The following FKBP14 variants were observed in gnomAD, a reference collection of about 807,000 sequenced individuals.
The protein encoded by FKBP14 is FKBP prolyl isomerase 14.
In FKBP14, 20 loss-of-function variants were observed where a neutral mutation model predicts 21.6. The observed-to-expected ratio is 0.92, with a 90% CI of 0.65 to 1.34. The LOEUF is 1.34. Ranked by LOEUF, FKBP14 falls within the 40% of genes most tolerant of loss-of-function variation. The probability of loss-of-function intolerance (pLI) is 0.00; values close to 1 mark genes in which losing one functional copy is unlikely to be tolerated. For synonymous variants in FKBP14, 79 were observed against 86.7 expected, an observed-to-expected ratio of 0.91 and a Z score of 0.49; for missense variants, 253 against 249.0, an observed-to-expected ratio of 1.02 and a Z score of -0.11.
At chr7:30,015,993 T>C (rs1789875348) in intron 3 of FKBP14, among the ~76,000 whole-genome samples, 1 of 152,134 alleles carries the variant, frequency 6.6e-6, no homozygotes, top group South Asian at 2.1e-4. Flanking sequence ...CACTGCAACC[T>C]CTGCCTCCCA....
At chr7:30,009,062 T>G (rs1789667286), downstream of FKBP14, among the ~76,000 whole-genome samples, 1 of 152,076 alleles carries the variant, frequency 6.6e-6, no homozygotes, top group Admixed American at 6.5e-5. Context: ...CATTTTGACA[T>G]CTTAGATTTC....
At chr7:30,016,531 T>C (rs543249718) in intron 3 of FKBP14, among the ~76,000 whole-genome samples, 2 of 152,112 alleles carry the variant, frequency 1.3e-5, no homozygotes, top group South Asian at 4.1e-4. Context: ...GTAGCTGGGA[T>C]TACAGGCACC....
At chr7:30,026,202 G>T in intron 1 of FKBP14, 110 bp downstream of exon 1, 2 of 1,019,958 alleles carry the variant, frequency 2.0e-6, no homozygotes, top group Non-Finnish European at 1.4e-6. Context: ...AAGATATTTC[G>T]GTTTTGTAAA....
chr7:30,009,860 G>A (rs1048693962), downstream of FKBP14, among the ~76,000 whole-genome samples: 3 of 151,412 alleles, frequency 2.0e-5, 1 homozygote, highest in Non-Finnish European at 2.9e-5. Context: ...TTAGCTGGGC[G>A]TGGTGGCGCA....
chr7:30,016,099 G>A (rs184819613), intron 3 of FKBP14, among the ~76,000 whole-genome samples: 4 of 151,994 alleles, frequency 2.6e-5, no homozygotes, highest in Admixed American at 2.6e-4. Flanking sequence ...TAGAGATGGG[G>A]TTTCACCATG....
chr7:30,008,313 A>G (rs1789649236), downstream of FKBP14: 1 of 152,252 alleles, frequency 6.6e-6, no homozygotes, highest in South Asian at 2.1e-4. Flanking sequence ...AGGCAAAGGT[A>G]AAGGAGACCA....
In FKBP14 at chr7:30,026,551, G is replaced by T. The variant is rs1355315996; in HGVS notation, c.-43C>A. 1 of 1,561,196 alleles carries T rather than the reference G, an allele frequency of 6.4e-7. No individual in the cohort carries two copies. The highest frequency in any genetic ancestry group is 1.4e-5 in the African/African-American group (1 of 72,848). On this transcript the variant is annotated 5_prime_UTR_variant, in exon 1 of 4. Transcript: ENST00000222803. ...AGAAGTCCCTACAAAAGCAGCGAAA[G>T]GTCCCTCGACTTCATAGATTTAAGA...
chr7:30,010,052 TC>T (rs1789686456), downstream of FKBP14, among the ~76,000 whole-genome samples: 1 of 151,950 alleles, frequency 6.6e-6, no homozygotes, highest in Non-Finnish European at 1.5e-5. Flanking sequence ...ATCCCACACA[TC>T]ATTAATAAAA....
At position 30,012,412 on chromosome 7, in the gene FKBP14, C is replaced by G. The variant is rs146908974; in HGVS notation, c.*2323G>C. On this transcript the variant is annotated 3_prime_UTR_variant, in exon 4 of 4. Coordinates refer to ENST00000222803, the MANE Select transcript of FKBP14 (RefSeq NM_017946.4). ...TAATGTTTATACAGAGTAGCACCAT[C>G]GGACAAACTACTTTCCCTTCTCCCA... The G allele has an allele frequency of 4.1e-4, 63 of 152,344 alleles. 1 individual carries two copies. The highest frequency in any genetic ancestry group is 1.4e-3 in the African/African-American group (57 of 41,580). The allele number at this position is 152,344 out of a possible 1,614,324, so 9.4% of individuals were successfully genotyped here.
At chr7:30,023,222 A>G (rs1267755989) in intron 1 of FKBP14, among the ~76,000 whole-genome samples, 1 of 152,222 alleles carries the variant, frequency 6.6e-6, no homozygotes. Flanking sequence ...CTTTAAACCT[A>G]ACTCCAAAGT....
intron 1 of FKBP14, 76 bp downstream of exon 1, chr7:30,026,236 A>G (rs1483438109): frequency 2.3e-5 from 32 of 1,394,988 alleles, no homozygotes; most frequent in Non-Finnish European, 2.5e-5. Flanking sequence ...GGTACAGGCC[A>G]CCTTTCCTGC....
At chr7:30,015,347 G>A (rs1452351940) in intron 3 of FKBP14, among the ~76,000 whole-genome samples, 1 of 151,990 alleles carries the variant, frequency 6.6e-6, no homozygotes, top group East Asian at 1.9e-4. Context: ...GAACCTGGAA[G>A]GCAGAGGTTG....
rs1378758054 is a variant in FKBP14 at position 30,013,471 on chromosome 7, A to T, written c.*1264T>A. On this transcript the variant is annotated 3_prime_UTR_variant, in exon 4 of 4. Coordinates refer to ENST00000222803, the MANE Select transcript of FKBP14 (RefSeq NM_017946.4). ...CACCATGTTGGCCAGGCTGGTCTTGAACTCCTGATCTCAAGTGATCCACCC... is the reference window on the plus strand; with the variant it reads ...CACCATGTTGGCCAGGCTGGTCTTGTACTCCTGATCTCAAGTGATCCACCC... 6.6e-6 allele frequency: 1 copy of T among 152,174 alleles called. No homozygotes were observed. The highest frequency in any genetic ancestry group is 2.4e-5 in the African/African-American group (1 of 41,410). The allele number at this position is 152,174 out of a possible 1,614,324, so 9.4% of individuals were successfully genotyped here. A position where few individuals can be genotyped will look rare whatever the true frequency, so the allele number is the denominator to read the frequency against.
intron 1 of FKBP14, chr7:30,025,751 T>A (rs1790157019): frequency 6.6e-6 from 1 of 152,266 alleles, no homozygotes; most frequent in Non-Finnish European, 1.5e-5. Context: ...GAAGTCTGAC[T>A]CTCTAGAAAG....
chr7:30,021,618 C>T lies in FKBP14; in HGVS notation c.349+1047G>A, dbSNP rs182075904. On this transcript the variant is annotated intron_variant, in intron 2 of 3. Coordinates refer to ENST00000222803, the MANE Select transcript of FKBP14 (RefSeq NM_017946.4). ...TCCCCCAGGCTGGAGTATAGTGGCA[C>T]GTTCTTGGCTCATTGCAACCTCTGC... Among the ~76,000 whole-genome samples, 185 of 151,622 alleles carry T rather than the reference C, an allele frequency of 1.2e-3. 1 individual carries two copies. The highest frequency in any genetic ancestry group is 4.3e-3 in the African/African-American group (176 of 41,320).
rs1457936127 is a variant in FKBP14, at chr7:30,014,513, GA to G, written c.*221del. ...ATCTGTGAAAGTGAAAAATTGTCCA[GA>G]AGTCTTCTATTCAAAGACCAATTAG... On this transcript the variant is annotated 3_prime_UTR_variant, in exon 4 of 4. Coordinates refer to ENST00000222803, the MANE Select transcript of FKBP14 (RefSeq NM_017946.4). 2.3e-5 allele frequency: 7 copies of G among 304,870 alleles called. No individual in the cohort carries two copies. In the East Asian group the frequency reaches 3.6e-4, roughly 16 times the overall value. The allele number at this position is 304,870 out of a possible 1,614,324, so 18.9% of individuals were successfully genotyped here.
At chr7:30,023,637 T>G (rs561634782) in intron 1 of FKBP14, among the ~76,000 whole-genome samples, 1 of 152,260 alleles carries the variant, frequency 6.6e-6, no homozygotes, top group Non-Finnish European at 1.5e-5. Flanking sequence ...CTGGGTAACT[T>G]ATAAAGAAAA....
At chr7:30,008,213 C>A (rs1343278598), downstream of FKBP14, 1 of 152,196 alleles carries the variant, frequency 6.6e-6, no homozygotes, top group Non-Finnish European at 1.5e-5. Context: ...AGGTGTGTGT[C>A]TCATTTTACT....
At chr7:30,017,050 G>C (rs1025634181) in intron 3 of FKBP14, among the ~76,000 whole-genome samples, 7 of 152,014 alleles carry the variant, frequency 4.6e-5, no homozygotes, top group Admixed American at 1.3e-4. Flanking sequence ...TTTTGTGTAA[G>C]AAAGGGGGAA....
Sources: allele counts gnomAD v4.1 joint callset (sites outside exome capture counted in the v4.1 genomes callset), GRCh38; gene constraint gnomAD v4.1.1; transcripts MANE v1.5; gene names NCBI Gene and HGNC (gene_info 2026-07-23, HGNC 2026-07-21).